Variants in BAIAP2L1 observed in about 807,000 individuals in gnomAD.
BAIAP2L1 encodes BAR/IMD domain containing adaptor protein 2 like 1.
Under a neutral mutation model 66.3 loss-of-function variants are expected in BAIAP2L1, and 35 were observed. The ratio of observed to expected loss-of-function variants is 0.53; its 90% CI spans 0.40 to 0.70. The LOEUF is 0.70. Among genes scored for constraint, BAIAP2L1 ranks in the 30% least tolerant of loss-of-function variants. The pLI is 0.00. For missense variants in BAIAP2L1, 622 were observed against 656.9 expected (o/e 0.95, Z 0.58); for synonymous variants, 269 against 248.7 (o/e 1.08, Z -0.77).
intron 1 of BAIAP2L1, among the ~76,000 whole-genome samples, chr7:98,392,845 TAC>T (rs1803077026): frequency 6.7e-6 from 1 of 148,440 alleles, no homozygotes; most frequent in Non-Finnish European, 1.5e-5. Context: ...CAGGCTGGAG[TAC>T]AGTGGTGCAG....
chr7:98,321,913 C>G (rs1167819147), intron 3 of BAIAP2L1, among the ~76,000 whole-genome samples: 1 of 152,032 alleles, frequency 6.6e-6, no homozygotes, highest in Non-Finnish European at 1.5e-5. Context: ...CTGGCCAACA[C>G]GGTGAAACCC....
At chr7:98,393,132 C>T (rs200998991) in intron 1 of BAIAP2L1, among the ~76,000 whole-genome samples, 4,527 of 71,908 alleles carry the variant, frequency 0.063, 508 homozygotes, top group South Asian at 0.17. Context: ...TGTATATATA[C>T]ACACATATGT....
At chr7:98,371,056 C>G (rs932409608) in intron 1 of BAIAP2L1, among the ~76,000 whole-genome samples, 9 of 152,156 alleles carry the variant, frequency 5.9e-5, no homozygotes, top group African/African-American at 2.2e-4. Context: ...AATTGTTAAA[C>G]AGCCTACAAT....
intron 1 of BAIAP2L1, among the ~76,000 whole-genome samples, chr7:98,369,432 C>T (rs1032480531): frequency 1.3e-5 from 2 of 152,116 alleles, no homozygotes; most frequent in African/African-American, 4.8e-5. Flanking sequence ...GCAGTGAGAT[C>T]GTGCCGCTGC....
chr7:98,340,413 G>A (rs1274657272), intron 3 of BAIAP2L1, among the ~76,000 whole-genome samples: 1 of 152,070 alleles, frequency 6.6e-6, no homozygotes, highest in Non-Finnish European at 1.5e-5. Context: ...TCAGCCTCCT[G>A]AGTAGCTGGG....
chr7:98,357,085 C>T (rs1356089674), intron 2 of BAIAP2L1, among the ~76,000 whole-genome samples: 2 of 100,446 alleles, frequency 2.0e-5, no homozygotes, highest in South Asian at 7.8e-4. Context: ...AGGGGTCTCA[C>T]TCTGTTGCCC....
intron 1 of BAIAP2L1, among the ~76,000 whole-genome samples, chr7:98,388,888 C>A (rs564390073): frequency 1.3e-5 from 2 of 151,690 alleles, no homozygotes; most frequent in South Asian, 2.1e-4. Context: ...GCAGGAGGAA[C>A]GCTTTAGCCT....
At chr7:98,315,103 G>A (rs1025690777) in intron 7 of BAIAP2L1, among the ~76,000 whole-genome samples, 53 of 152,104 alleles carry the variant, frequency 3.5e-4, no homozygotes, top group Admixed American at 1.0e-3. Context: ...GGTGAGTGGC[G>A]TGCATGTGTG....
Position 98,400,825 on chromosome 7 carries a change from G to T in BAIAP2L1, c.28C>A (p.Arg10=). The T allele has an allele frequency of 1.3e-6, 2 of 1,547,468 alleles. No individual in the cohort carries two copies. The highest frequency in any genetic ancestry group is 1.2e-5 in the South Asian group (1 of 84,008). Residue 10 remains arginine, a synonymous_variant, in exon 1 of 14, where the codon CGG becomes AGG. Transcript: ENST00000005260. MSRGPEEVN[R]LTESTYRNVM... ...ACCCGGTAGGTGCTCTCCGTGAGCC[G>T]GTTCACCTCCTCGGGCCCCCGGGAC...
chr7:98,339,832 T>TTG (rs1220222307), intron 3 of BAIAP2L1, among the ~76,000 whole-genome samples: 2 of 152,178 alleles, frequency 1.3e-5, no homozygotes, highest in African/African-American at 4.8e-5. Context: ...CCACACCTAT[T>TTG]TGTAAGAGGA....
intron 1 of BAIAP2L1, among the ~76,000 whole-genome samples, chr7:98,376,549 G>A (rs868634751): frequency 4.0e-5 from 6 of 151,406 alleles, no homozygotes; most frequent in Admixed American, 2.6e-4. Context: ...GGCTGGGAGC[G>A]GTGGCTCAAG....
Position 98,293,565 on chromosome 7 carries a change from G to T in BAIAP2L1, c.1492C>A (p.Arg498Ser). ...GENPFATVKLRPTVTNDRSAP... is the reference protein window; with the variant it reads ...GENPFATVKLSPTVTNDRSAP... ...GAGCGATCATTCGTCACAGTCGGGC[G>T]GAGTTTCACAGTGGCAAAGGGGTTT... The change falls in exon 14 of 14, where the codon CGC becomes AGC. Residue 498 changes from arginine (R) to serine (S), a missense_variant. Arg to Ser is a moderately radical substitution (Grantham distance 110). Transcript: ENST00000005260. The T allele has an allele frequency of 6.2e-7, 1 of 1,613,922 alleles. No homozygotes were observed. The highest frequency in any genetic ancestry group is 8.5e-7 in the Non-Finnish European group (1 of 1,179,904).
chr7:98,307,744 G>C lies in BAIAP2L1; in HGVS notation c.1108C>G (p.Leu370Val), dbSNP rs766661364. The change falls in exon 10 of 14, where the codon CTC becomes GTC. Residue 370 changes from leucine (L) to valine (V), a missense_variant. Transcript: ENST00000005260. ...CAGCCATCCTTCTCCTCGGGGATGA[G>C]CAGCGTGATGACATCTCCCTGTGCA... ...SFAQGDVITL[L>V]IPEEKDGWLY... is the part of the protein sequence containing the mutation. 3 of 1,614,236 alleles carry C rather than the reference G, an allele frequency of 1.9e-6. No homozygotes were observed. The highest frequency in any genetic ancestry group is 2.5e-6 in the Non-Finnish European group (3 of 1,180,050).
At chr7:98,305,702 C>T (rs1645016069) in intron 11 of BAIAP2L1, among the ~76,000 whole-genome samples, 2 of 152,216 alleles carry the variant, frequency 1.3e-5, no homozygotes, top group Non-Finnish European at 1.5e-5. Flanking sequence ...GGATTACAGG[C>T]ACAAGCCACC....
chr7:98,357,184 T>C (rs1379696784), intron 2 of BAIAP2L1, among the ~76,000 whole-genome samples: 3 of 148,672 alleles, frequency 2.0e-5, no homozygotes, highest in Non-Finnish European at 4.5e-5. Context: ...ACAGAATTAA[T>C]TCATGTGCAG....
At chr7:98,366,561 G>A (rs541444092) in intron 1 of BAIAP2L1, among the ~76,000 whole-genome samples, 55 of 152,298 alleles carry the variant, frequency 3.6e-4, no homozygotes, top group African/African-American at 1.3e-3. Flanking sequence ...TCTTGTCAAT[G>A]GATGTTTTCC....
chr7:98,297,098 C>T (rs948933575), intron 12 of BAIAP2L1, among the ~76,000 whole-genome samples: 3 of 152,238 alleles, frequency 2.0e-5, no homozygotes, highest in Admixed American at 6.5e-5. Context: ...AAACCAGCAG[C>T]CACTACGAGA....
chr7:98,393,088 T>TAC lies in BAIAP2L1; in HGVS notation c.51+7712_51+7713dup, dbSNP rs1562795887. Among the ~76,000 whole-genome samples the TAC allele has an allele frequency of 1.1e-4, 13 of 121,284 alleles. 1 individual carries two copies. Among genetic ancestry groups the TAC allele is most frequent in the African/African-American group, 1.8e-4 (5 of 27,712 alleles). 79.6% of individuals were successfully genotyped at this position (121,284 alleles called of 152,430 possible). ...ACATATATGTATACACACACATATA[T>TAC]ACATATATACGTGTACATATATGTA... is the stretch of plus-strand genomic sequence containing the variant. On this transcript the variant is annotated intron_variant, in intron 1 of 13. Transcript: ENST00000005260.
At chr7:98,385,735 T>TG (rs1174396491) in intron 1 of BAIAP2L1, 30 of 1,199,808 alleles carry the variant, frequency 2.5e-5, no homozygotes, top group African/African-American at 1.7e-4. Flanking sequence ...TTTCTTTTTT[T>TG]TGTTGTTTTT....
Sources: allele counts gnomAD v4.1 joint callset (sites outside exome capture counted in the v4.1 genomes callset), GRCh38; gene constraint gnomAD v4.1.1; transcripts MANE v1.5; gene names NCBI Gene and HGNC (gene_info 2026-07-23, HGNC 2026-07-21).